Variants in NDE1 observed in about 807,000 individuals in gnomAD.
NDE1 encodes the protein nudE neurodevelopment protein 1.
NDE1 carries 28 observed loss-of-function variants against 43.4 expected under a neutral mutation model. That is an observed-to-expected ratio of 0.65 (90% confidence interval 0.48 to 0.89). The LOEUF is 0.89. Among genes scored for constraint, NDE1 ranks in the 40% least tolerant of loss-of-function variants. NDE1 has a pLI of 0.00. For synonymous variants in NDE1, 184 were observed against 172.0 expected (o/e 1.07, Z -0.55); for missense variants, 441 against 434.1 (o/e 1.02, Z -0.14).
At chr16:15,664,602 G>A (rs1407889591) in intron 1 of NDE1, 134 bp from the exon 2 acceptor site, 26 of 618,920 alleles carry the variant, frequency 4.2e-5, no homozygotes, top group East Asian at 2.5e-4. Flanking sequence ...TGATCCGCCC[G>A]CCTCAGCCTC....
intron 1 of NDE1, among the ~76,000 whole-genome samples, chr16:15,650,725 C>G (rs894659622): frequency 6.6e-6 from 1 of 152,112 alleles, no homozygotes; most frequent in African/African-American, 2.4e-5. Flanking sequence ...CCATACTCCT[C>G]TCCTAGATGA....
intron 8 of NDE1, chr16:15,717,859 C>T: frequency 3.8e-6 from 1 of 265,590 alleles, no homozygotes; most frequent in South Asian, 4.7e-5. Context: ...TTGTCCCTTG[C>T]TTTCTCTGTC....
At chr16:15,682,292 A>G (rs1418807990) in intron 4 of NDE1, among the ~76,000 whole-genome samples, 1 of 152,162 alleles carries the variant, frequency 6.6e-6, no homozygotes. Flanking sequence ...GACTACAGTC[A>G]TGTGCCACCA....
chr16:15,694,050 A>C, intron 6 of NDE1, 115 bp from the exon 7 acceptor site: 1 of 1,239,512 alleles, frequency 8.1e-7, no homozygotes, highest in Admixed American at 2.0e-5. Flanking sequence ...AGCTTTTGGG[A>C]TCCGAGGAAA....
chr16:15,666,143 A>G (rs1264612053), intron 2 of NDE1, among the ~76,000 whole-genome samples: 1 of 151,896 alleles, frequency 6.6e-6, no homozygotes, highest in South Asian at 2.1e-4. Flanking sequence ...GCTTTTCCCT[A>G]TGCCTAGCAA....
chr16:15,718,235 A>C, intron 8 of NDE1: 1 of 1,593,676 alleles, frequency 6.3e-7, no homozygotes, highest in Non-Finnish European at 8.5e-7. Context: ...GGAAGCCGCC[A>C]CGCGTGTGTT....
chr16:15,702,004 C>T (rs1033110051), intron 8 of NDE1: 2 of 151,934 alleles, frequency 1.3e-5, no homozygotes, highest in African/African-American at 4.8e-5. Context: ...TTTTTTTAAC[C>T]AAGTTAAAAA....
At position 15,719,622 on chromosome 16, in the gene NDE1, G is replaced by C. The variant is rs777361412; in HGVS notation, c.948-4569G>C. On this transcript the variant is annotated intron_variant, in intron 8 of 8. Coordinates refer to ENST00000396354, the MANE Select transcript of NDE1 (RefSeq NM_017668.3). ...CATGAGGTCTGCTTCCAAGCTCTTG[G>C]CTTTCTTCTCATTCTCTTTGGCTGT... 20 of 1,614,174 alleles carry C rather than the reference G, an allele frequency of 1.2e-5. 1 individual carries two copies. The South Asian group carries it at 2.1e-4, about 17-fold the overall frequency.
rs199717623 is a variant in NDE1, at chr16:15,719,574, C to A, written c.948-4617C>A. The stretch of plus-strand genomic sequence containing the variant: ...CGCATCTGAGGCTCTCCTAGCAAGG[C>A]GAGGCTTTACCTCTTGTAGCTGCAT... On this transcript the variant is annotated intron_variant, in intron 8 of 8. Coordinates refer to ENST00000396354, the MANE Select transcript of NDE1 (RefSeq NM_017668.3). 6.2e-7 allele frequency: 1 copy of A among 1,613,942 alleles called. No homozygotes were observed. Among genetic ancestry groups the A allele is most frequent in the Admixed American group, 1.7e-5 (1 of 60,018 alleles).
At chr16:15,658,448 C>T (rs949668327) in intron 1 of NDE1, among the ~76,000 whole-genome samples, 2 of 152,180 alleles carry the variant, frequency 1.3e-5, no homozygotes, top group African/African-American at 2.4e-5. Flanking sequence ...GGGTTAGGCC[C>T]ACCCATGAGC....
Position 15,716,993 on chromosome 16 carries a change from T to A in NDE1, c.948-7198T>A. On this transcript the variant is annotated intron_variant, in intron 8 of 8. Transcript: ENST00000396354. ...GCACTTTGCTGTGTTTACGTTCAGT[T>A]CTCACAACATACCTGCACTGTAGGC... 3 of 932,772 alleles carry A rather than the reference T, an allele frequency of 3.2e-6. 1 individual carries two copies. The South Asian group carries it at 3.9e-5, about 12-fold the overall frequency. The allele number at this position is 932,772 out of a possible 1,614,324, so 57.8% of individuals were successfully genotyped here. A position where few individuals can be genotyped will look rare whatever the true frequency, so the allele number is the denominator to read the frequency against.
At chr16:15,721,842 GT>G (rs374498080) in intron 8 of NDE1, among the ~76,000 whole-genome samples, 7 of 151,230 alleles carry the variant, frequency 4.6e-5, no homozygotes, top group Non-Finnish European at 7.4e-5. Flanking sequence ...CAGCTGACTT[GT>G]TTTTTTTTGT....
At chr16:15,667,243 C>G (rs1316219413) in intron 2 of NDE1, 43 bp from the exon 3 acceptor site, 2 of 1,609,526 alleles carry the variant, frequency 1.2e-6, no homozygotes, top group Middle Eastern at 1.7e-4. Context: ...GAGACTCTGT[C>G]TTCAAAAATA....
chr16:15,681,630 T>C (rs1398925850), intron 4 of NDE1, among the ~76,000 whole-genome samples: 2 of 152,188 alleles, frequency 1.3e-5, no homozygotes, highest in Admixed American at 6.6e-5. Context: ...TTTTATATAT[T>C]TGTCTGTGAC....
Position 15,725,687 on chromosome 16 carries a change from T to C in NDE1, c.*1436T>C. The stretch of plus-strand genomic sequence containing the variant: ...GCATGTGAGAAAAAAACATCTCACT[T>C]AATTCTTCCCTCGCCCCTTGGTCCC... On this transcript the variant is annotated 3_prime_UTR_variant, in exon 9 of 9. Transcript: ENST00000396354. The C allele has an allele frequency of 2.5e-6, 1 of 398,950 alleles. No homozygotes were observed. Among genetic ancestry groups the C allele is most frequent in the Non-Finnish European group, 4.4e-6 (1 of 226,356 alleles). The allele number at this position is 398,950 out of a possible 1,614,324, so 24.7% of individuals were successfully genotyped here.
chr16:15,686,858 T>G, intron 4 of NDE1: 1 of 510,192 alleles, frequency 2.0e-6, no homozygotes, highest in Non-Finnish European at 2.5e-6. Context: ...CTGGCTAATT[T>G]TTGTATTTCT....
At chr16:15,720,774 G>A in intron 8 of NDE1, 2 of 1,502,438 alleles carry the variant, frequency 1.3e-6, no homozygotes, top group South Asian at 1.1e-5. Flanking sequence ...CCAACCATGA[G>A]AGTGGTGATA....
At chr16:15,721,394 A>C (rs1390914254) in intron 8 of NDE1, 2 of 1,612,328 alleles carry the variant, frequency 1.2e-6, no homozygotes, top group Admixed American at 3.3e-5. Flanking sequence ...CGAAACATGG[A>C]CGAGAAAAAC....
At chr16:15,701,912 G>T (rs1416612036) in intron 8 of NDE1, 1 of 152,138 alleles carries the variant, frequency 6.6e-6, no homozygotes, top group East Asian at 1.9e-4. Flanking sequence ...CAAGAGAAAC[G>T]AATGTTGAAC....
Sources: gnomAD v4.1 joint callset for allele counts (sites outside exome capture counted in the v4.1 genomes callset) on GRCh38, gnomAD v4.1.1 for gene constraint, MANE v1.5 for transcripts, NCBI Gene and HGNC (gene_info 2026-07-23, HGNC 2026-07-21) for gene names.